Variants in SPATA6 observed in about 807,000 individuals in gnomAD.
The protein encoded by SPATA6 is spermatogenesis-associated protein 6.
SPATA6 carries 56 observed loss-of-function variants against 65.3 expected under a neutral mutation model. That is an observed-to-expected ratio of 0.86 (90% CI 0.69 to 1.07). The LOEUF (loss-of-function observed/expected upper bound fraction) is 1.07. Ranked by LOEUF, SPATA6 falls within the 50% of genes least tolerant of loss-of-function variation. SPATA6 has a pLI of 0.00. For missense variants in SPATA6, 590 were observed against 594.8 expected (o/e 0.99, Z 0.08); for synonymous variants, 199 against 213.2 (o/e 0.93, Z 0.58).
chr1:48,364,223 C>G (rs77747069), intron 9 of SPATA6, among the ~76,000 whole-genome samples: 37,266 of 152,062 alleles, frequency 0.25, 4,777 homozygotes, highest in Admixed American at 0.3. Context: ...TGGGTTGGTT[C>G]CAAGTCTTTG....
Position 48,359,758 on chromosome 1 carries a change from G to GC in SPATA6, c.921_922insG (p.Pro308AlafsTer8). The GC allele has an allele frequency of 6.2e-7, 1 of 1,611,090 alleles. No individual in the cohort carries two copies. Among genetic ancestry groups the GC allele is most frequent in the Non-Finnish European group, 8.5e-7 (1 of 1,178,704 alleles). The stretch of plus-strand genomic sequence containing the variant: ...GAGTCATCGAAGTCTCTCCCATGGG[G>GC]TGTCCTGATAACCTGTTTTAAAAAT... On this transcript the variant is annotated frameshift_variant, in exon 10 of 13. Coordinates refer to ENST00000371847, the MANE Select transcript of SPATA6 (RefSeq NM_019073.4). LOFTEE classifies it high-confidence loss of function.
intron 3 of SPATA6, chr1:48,437,221 T>C: frequency 6.2e-7 from 1 of 1,612,678 alleles, no homozygotes; most frequent in African/African-American, 1.3e-5. Flanking sequence ...CTTGGAATTC[T>C]AGGGCTGCCA....
At chr1:48,283,590 A>C in the SPATA6 span, among the ~76,000 whole-genome samples, 19 of 148,752 alleles carry the variant, frequency 1.3e-4, no homozygotes, top group South Asian at 4.1e-3. Flanking sequence ...GAGGCAGGAG[A>C]ATGGCTTGAA....
At chr1:48,379,910 T>TA (rs1166217194) in intron 9 of SPATA6, among the ~76,000 whole-genome samples, 1 of 152,226 alleles carries the variant, frequency 6.6e-6, no homozygotes, top group African/African-American at 2.4e-5. Context: ...ATGATAGCCT[T>TA]AAAAAATTGT....
chr1:48,463,902 A>C (rs1225319709), intron 1 of SPATA6, among the ~76,000 whole-genome samples: 1 of 152,170 alleles, frequency 6.6e-6, no homozygotes. Flanking sequence ...TCCTGACTTA[A>C]AAGAACTTAT....
At chr1:48,309,180 T>G (rs948402317) in intron 11 of SPATA6, among the ~76,000 whole-genome samples, 2 of 152,116 alleles carry the variant, frequency 1.3e-5, no homozygotes, top group Admixed American at 1.3e-4. Flanking sequence ...CCATTATTTC[T>G]CCAAATATTC....
At chr1:48,414,645 G>C (rs1037908050) in intron 3 of SPATA6, among the ~76,000 whole-genome samples, 2 of 152,060 alleles carry the variant, frequency 1.3e-5, no homozygotes, top group Non-Finnish European at 2.9e-5. Context: ...CACAATTTAG[G>C]GGCATAGGCT....
chr1:48,440,387 C>CT (rs1475334525), intron 3 of SPATA6, among the ~76,000 whole-genome samples: 1 of 152,162 alleles, frequency 6.6e-6, no homozygotes, highest in Non-Finnish European at 1.5e-5. Flanking sequence ...AAACCCTGGC[C>CT]TTTAACAAAA....
the SPATA6 span, among the ~76,000 whole-genome samples, chr1:48,285,322 T>C: frequency 2.6e-5 from 4 of 152,264 alleles, no homozygotes; most frequent in South Asian, 8.3e-4. Context: ...ACTGCTGTGC[T>C]GGCTGCCAGA....
At position 48,372,056 on chromosome 1, in the gene SPATA6, T is replaced by G. The variant is rs141093214; in HGVS notation, c.910-12286A>C. On this transcript the variant is annotated intron_variant, in intron 9 of 12. Coordinates refer to ENST00000371847, the MANE Select transcript of SPATA6 (RefSeq NM_019073.4). ...ATGGGAACACAGCCAAACCATATCA[T>G]TCCACCCCTGGCACCTCCAAATATC... 5.3e-3 allele frequency among the ~76,000 whole-genome samples: 802 copies of G among 152,214 alleles called. 20 individuals carry two copies. The highest frequency in any genetic ancestry group is 0.05 in the South Asian group (241 of 4,818).
At chr1:48,291,658 C>G (rs1644768973), downstream of SPATA6, among the ~76,000 whole-genome samples, 1 of 152,178 alleles carries the variant, frequency 6.6e-6, no homozygotes, top group Non-Finnish European at 1.5e-5. Flanking sequence ...AGAACTTGCC[C>G]CAGGCTACAA....
At chr1:48,450,881 C>T (rs1217255674) in intron 3 of SPATA6, among the ~76,000 whole-genome samples, 1 of 152,162 alleles carries the variant, frequency 6.6e-6, no homozygotes, top group Non-Finnish European at 1.5e-5. Context: ...GCCTTTTGAG[C>T]CACATTTATA....
chr1:48,457,796 C>G (rs1453304083), intron 1 of SPATA6, among the ~76,000 whole-genome samples: 1 of 151,884 alleles, frequency 6.6e-6, no homozygotes, highest in Admixed American at 6.6e-5. Context: ...AGGCTCATAT[C>G]CACATTAAGA....
intron 3 of SPATA6, among the ~76,000 whole-genome samples, chr1:48,437,543 C>A (rs906175645): frequency 2.6e-5 from 4 of 152,224 alleles, no homozygotes; most frequent in Non-Finnish European, 5.9e-5. Context: ...CAGTATTTTG[C>A]TGTTCCTTGG....
the SPATA6 span, among the ~76,000 whole-genome samples, chr1:48,264,035 C>T: frequency 6.6e-6 from 1 of 152,062 alleles, no homozygotes; most frequent in Non-Finnish European, 1.5e-5. Flanking sequence ...TGCTATGTTG[C>T]CCAGGCTAGT....
intron 8 of SPATA6, among the ~76,000 whole-genome samples, chr1:48,393,643 G>C (rs751324105): frequency 2.6e-5 from 4 of 152,034 alleles, no homozygotes; most frequent in Non-Finnish European, 5.9e-5. Context: ...GAATTAGTCT[G>C]CTCAGGCTGC....
At chr1:48,290,388 C>T (rs982188758), downstream of SPATA6, among the ~76,000 whole-genome samples, 3 of 152,086 alleles carry the variant, frequency 2.0e-5, no homozygotes, top group Admixed American at 6.6e-5. Context: ...CCAGCCACTG[C>T]AAAAATATGC....
downstream of SPATA6, among the ~76,000 whole-genome samples, chr1:48,294,016 T>G (rs1644784879): frequency 6.6e-6 from 1 of 152,232 alleles, no homozygotes; most frequent in Admixed American, 6.5e-5. Context: ...AACAAAATGT[T>G]GGATTTTCTC....
chr1:48,385,602 T>A (rs1375114390), intron 8 of SPATA6, among the ~76,000 whole-genome samples: 1 of 152,120 alleles, frequency 6.6e-6, no homozygotes, highest in Non-Finnish European at 1.5e-5. Context: ...CAGAAAGGAG[T>A]AACTTTTAGT....
Sources: gnomAD v4.1 joint callset for allele counts (sites outside exome capture counted in the v4.1 genomes callset) on GRCh38, gnomAD v4.1.1 for gene constraint, MANE v1.5 for transcripts, NCBI Gene and HGNC (gene_info 2026-07-23, HGNC 2026-07-21) for gene names.